The following SORCS2 variants were observed in gnomAD, a reference collection of about 807,000 sequenced individuals.
SORCS2 encodes the protein VPS10 domain-containing receptor SorCS2.
Under a neutral mutation model 141.6 loss-of-function variants are expected in SORCS2, and 100 were observed. That is an observed-to-expected ratio of 0.71 (90% CI 0.60 to 0.83). The LOEUF is 0.83. Ranked by LOEUF, SORCS2 falls within the 40% of genes least tolerant of loss-of-function variation. The pLI, the probability that SORCS2 is intolerant of heterozygous loss-of-function variation, is 0.00. For missense variants in SORCS2, 1,646 were observed against 1,560.2 expected, an observed-to-expected ratio of 1.05 and a Z score of -0.93; for synonymous variants, 789 against 676.9, an observed-to-expected ratio of 1.17 and a Z score of -2.57.
At chr4:7,402,773 A>G (rs956911657) in intron 2 of SORCS2, among the ~76,000 whole-genome samples, 3 of 152,062 alleles carry the variant, frequency 2.0e-5, no homozygotes, top group Non-Finnish European at 4.4e-5. Context: ...GTGAGATTAC[A>G]GCTTAATCTT....
At chr4:7,366,790 G>A (rs985142362) in intron 1 of SORCS2, among the ~76,000 whole-genome samples, 2 of 152,002 alleles carry the variant, frequency 1.3e-5, no homozygotes, top group Non-Finnish European at 2.9e-5. Context: ...AGCTTCACAG[G>A]GCCAGGGACC....
chr4:7,704,306 T>C, intron 14 of SORCS2, 22 bp downstream of exon 14: 1 of 1,582,504 alleles, frequency 6.3e-7, no homozygotes, highest in Non-Finnish European at 8.6e-7. Flanking sequence ...GACCGGGGAG[T>C]GGGCACTGGT....
At chr4:7,256,450 T>C (rs1196580814) in intron 1 of SORCS2, among the ~76,000 whole-genome samples, 1 of 152,176 alleles carries the variant, frequency 6.6e-6, no homozygotes, top group Non-Finnish European at 1.5e-5. Flanking sequence ...ACTTGGCTCC[T>C]CAGATGGCAG....
chr4:7,545,865 A>G (rs1172643244), intron 3 of SORCS2, among the ~76,000 whole-genome samples: 3 of 152,202 alleles, frequency 2.0e-5, no homozygotes, highest in East Asian at 1.9e-4. Context: ...GACTTAAACA[A>G]CAGACATTTA....
intron 1 of SORCS2, among the ~76,000 whole-genome samples, chr4:7,263,050 A>C (rs1227485794): frequency 6.6e-6 from 1 of 152,206 alleles, no homozygotes; most frequent in Non-Finnish European, 1.5e-5. Flanking sequence ...TGCAGAGGAA[A>C]GAACAGGGGC....
At chr4:7,541,604 G>C (rs905924857) in intron 3 of SORCS2, among the ~76,000 whole-genome samples, 4 of 152,162 alleles carry the variant, frequency 2.6e-5, no homozygotes, top group Non-Finnish European at 4.4e-5. Flanking sequence ...AGGCAGCCAG[G>C]CCTCTCCCTC....
intron 3 of SORCS2, among the ~76,000 whole-genome samples, chr4:7,634,691 G>T (rs1251975721): frequency 1.3e-5 from 2 of 152,146 alleles, no homozygotes; most frequent in Admixed American, 6.5e-5. Flanking sequence ...CGGGCTGTGC[G>T]TGGTGACTTC....
chr4:7,619,436 C>T (rs16840689), intron 3 of SORCS2, among the ~76,000 whole-genome samples: 8,728 of 152,180 alleles, frequency 0.057, 305 homozygotes, highest in South Asian at 0.089. Context: ...TAAAACAGTC[C>T]GGAAGCTTCT....
At chr4:7,340,154 A>T (rs1438705526) in intron 1 of SORCS2, among the ~76,000 whole-genome samples, 1 of 152,252 alleles carries the variant, frequency 6.6e-6, no homozygotes, top group East Asian at 1.9e-4. Context: ...GTTGACAATG[A>T]GGCTGGGAGA....
chr4:7,306,831 C>T (rs1717868506), intron 1 of SORCS2, among the ~76,000 whole-genome samples: 1 of 152,218 alleles, frequency 6.6e-6, no homozygotes, highest in Non-Finnish European at 1.5e-5. Flanking sequence ...ACACATGCTG[C>T]TTTTGGGGTC....
chr4:7,600,651 A>G (rs528305277), intron 3 of SORCS2, among the ~76,000 whole-genome samples: 4,338 of 91,966 alleles, frequency 0.047, 243 homozygotes, highest in African/African-American at 0.16. Context: ...ATATACATAT[A>G]TATATACACA....
At chr4:7,274,949 G>T (rs768409871) in intron 1 of SORCS2, among the ~76,000 whole-genome samples, 1 of 152,172 alleles carries the variant, frequency 6.6e-6, no homozygotes, top group East Asian at 1.9e-4. Flanking sequence ...CCCACAACAC[G>T]CGCTCTGTGG....
chr4:7,538,879 C>A (rs550027783), intron 3 of SORCS2, among the ~76,000 whole-genome samples: 1 of 152,156 alleles, frequency 6.6e-6, no homozygotes, highest in Admixed American at 6.5e-5. Flanking sequence ...CAAAGTATTG[C>A]GGAAAGTGAA....
intron 1 of SORCS2, among the ~76,000 whole-genome samples, chr4:7,239,441 C>T (rs1300430003): frequency 2.0e-5 from 3 of 152,260 alleles, no homozygotes; most frequent in African/African-American, 4.8e-5. Flanking sequence ...CGGCCCTCCT[C>T]TTCCTCTCTC....
At chr4:7,491,051 C>A (rs772922558) in intron 2 of SORCS2, among the ~76,000 whole-genome samples, 2 of 152,216 alleles carry the variant, frequency 1.3e-5, no homozygotes, top group African/African-American at 2.4e-5. Flanking sequence ...ACCTTCTGCT[C>A]TTTTCCCTTT....
chr4:7,274,094 G>A (rs1715317303), intron 1 of SORCS2, among the ~76,000 whole-genome samples: 1 of 152,200 alleles, frequency 6.6e-6, no homozygotes, highest in African/African-American at 2.4e-5. Context: ...ACTCAGCAAT[G>A]TTCCCTCCTG....
chr4:7,381,303 AG>A (rs1219473165), intron 1 of SORCS2, among the ~76,000 whole-genome samples: 1 of 152,210 alleles, frequency 6.6e-6, no homozygotes, highest in Non-Finnish European at 1.5e-5. Flanking sequence ...ATTCCAGCAC[AG>A]GGCTGCCAGT....
At chr4:7,533,083 G>A (rs1711795787) in intron 3 of SORCS2, among the ~76,000 whole-genome samples, 1 of 152,202 alleles carries the variant, frequency 6.6e-6, no homozygotes, top group Admixed American at 6.5e-5. Flanking sequence ...CCCAAAGAGG[G>A]AGGCATCATT....
At chr4:7,264,050 C>A (rs1425777656) in intron 1 of SORCS2, among the ~76,000 whole-genome samples, 1 of 152,136 alleles carries the variant, frequency 6.6e-6, no homozygotes, top group African/African-American at 2.4e-5. Context: ...GTCACAGAGG[C>A]CCCCCTCCCT....
Sources: gnomAD v4.1 joint callset for allele counts (sites outside exome capture counted in the v4.1 genomes callset) on GRCh38, gnomAD v4.1.1 for gene constraint, MANE v1.5 for transcripts, NCBI Gene and HGNC (gene_info 2026-07-23, HGNC 2026-07-21) for gene names.